Variants in FREM3 observed in about 807,000 individuals in gnomAD.
The protein encoded by FREM3 is FRAS1 related extracellular matrix 3, also known as FRAS1-related extracellular matrix protein 3.
Under a neutral mutation model 129.1 loss-of-function variants are expected in FREM3, and 105 were observed. That is an observed-to-expected ratio of 0.81 (90% confidence interval 0.69 to 0.96). The LOEUF (loss-of-function observed/expected upper bound fraction) is 0.96. Among genes scored for constraint, FREM3 ranks in the 40% least tolerant of loss-of-function variants. FREM3 has a pLI of 0.00. For missense variants in FREM3, 2,593 were observed against 2,666.3 expected, an observed-to-expected ratio of 0.97 and a Z score of 0.61; for synonymous variants, 1,014 against 1,044.9, an observed-to-expected ratio of 0.97 and a Z score of 0.57.
chr4:143,602,668 T>A (rs180812663), intron 6 of FREM3, among the ~76,000 whole-genome samples: 2 of 152,222 alleles, frequency 1.3e-5, no homozygotes, highest in Admixed American at 1.3e-4. Context: ...TTTAGGGCAC[T>A]CAGTAGAGTC....
Position 143,697,099 on chromosome 4 carries a change from G to T in FREM3, c.3577C>A (p.Gln1193Lys). 2 of 1,537,820 alleles carry T rather than the reference G, an allele frequency of 1.3e-6. No homozygotes were observed. The highest frequency in any genetic ancestry group is 1.4e-5 in the African/African-American group (1 of 73,154). ...AACTCATGGGCAAAAAGTTTAGGCT[G>T]CTCATCATTGGTGGGTAGGATGATT... ...PIIILPTNDE[Q>K]PKLFAHEFKV... is the part of the protein sequence containing the mutation. Residue 1193 changes from glutamine (Q) to lysine (K), a missense_variant, in exon 1 of 8, where the codon CAG (glutamine) becomes AAG (lysine). Physicochemically the swap from Gln to Lys is moderately conservative, Grantham distance 53 (BLOSUM62 1). Around this residue, in one of 2 missense-constraint regions of FREM3, gnomAD observed 2,276 missense variants for 2,267.2 expected, o/e 1.00. Transcript: ENST00000329798.
In FREM3 at chr4:143,635,075, T is replaced by C. The variant is rs140599353; in HGVS notation, c.5276-7315A>G. On this transcript the variant is annotated intron_variant, in intron 2 of 7. Transcript: ENST00000329798. ...GATTCTGGACTGTATGAAAACCCAA[T>C]TTATGTAAGTCAGGGACTTTGTGTA... 2.0e-4 allele frequency among the ~76,000 whole-genome samples: 30 copies of C among 152,198 alleles called. No homozygotes were observed. In the East Asian group the frequency reaches 3.5e-3, roughly 18 times the overall value.
chr4:143,680,216 CTA>C (rs34374191), intron 2 of FREM3, among the ~76,000 whole-genome samples: 9,916 of 147,950 alleles, frequency 0.067, 863 homozygotes, highest in African/African-American at 0.19. Flanking sequence ...AGACCTTCCC[CTA>C]TATATATATA....
intron 5 of FREM3, among the ~76,000 whole-genome samples, chr4:143,616,895 A>G (rs1201657509): frequency 6.6e-6 from 1 of 152,208 alleles, no homozygotes; most frequent in Non-Finnish European, 1.5e-5. Flanking sequence ...GGCGAGGTCC[A>G]TGGCTTGTGG....
At chr4:143,593,714 C>T (rs934184123) in intron 6 of FREM3, among the ~76,000 whole-genome samples, 1 of 152,234 alleles carries the variant, frequency 6.6e-6, no homozygotes, top group Non-Finnish European at 1.5e-5. Flanking sequence ...TCTGCCCGTT[C>T]TCAGATCTCA....
chr4:143,696,550 T>A lies in FREM3; in HGVS notation c.4126A>T (p.Thr1376Ser). ...AGGCCTCTGTTAATCTCATCCTGGG[T>A]AAAGTTCATTCCCAGAGTAAGATTG... Reference protein sequence around the residue: ...RNNLTLGMNFTQDEINRGLIC... With the variant: ...RNNLTLGMNFSQDEINRGLIC... The change falls in exon 1 of 8, where the codon ACC becomes TCC. Residue 1376 changes from threonine (T) to serine (S), a missense_variant. Physicochemically the swap from Thr to Ser is moderately conservative, Grantham distance 58. Around this residue, in one of 2 missense-constraint regions of FREM3, gnomAD observed 2,276 missense variants for 2,267.2 expected, o/e 1.00. Transcript: ENST00000329798. 6.5e-7 allele frequency: 1 copy of A among 1,537,438 alleles called. No individual in the cohort carries two copies. Among genetic ancestry groups the A allele is most frequent in the Non-Finnish European group, 8.7e-7 (1 of 1,146,956 alleles).
At chr4:143,633,903 A>G (rs1187212631) in intron 2 of FREM3, among the ~76,000 whole-genome samples, 3 of 152,174 alleles carry the variant, frequency 2.0e-5, no homozygotes, top group African/African-American at 7.2e-5. Context: ...GAGCTTAAGC[A>G]TTAAAACAGT....
At position 143,699,765 on chromosome 4, in the gene FREM3, G is replaced by T. The variant is rs138251026; in HGVS notation, c.911C>A (p.Pro304Gln). ...CGTGGCCATGAAGCTGGGCCTGGGC[G>T]GTGTGTTCTCGGCTCCGCCGCGGAT... ...VRIRGGAENT[P>Q]PRPSFMATMM... Residue 304 changes from proline to glutamine, a missense_variant, in exon 1 of 8, where the codon CCG becomes CAG. Coordinates refer to ENST00000329798, the MANE Select transcript of FREM3 (RefSeq NM_001168235.2). This position sits in a 1 kb window ranked among gnomAD's most constrained non-coding sequence, Gnocchi z 4.2. The T allele has an allele frequency of 6.5e-7, 1 of 1,529,856 alleles. No individual in the cohort carries two copies. Among genetic ancestry groups the T allele is most frequent in the Non-Finnish European group, 8.8e-7 (1 of 1,142,800 alleles). The allele number at this position is 1,529,856 out of a possible 1,614,324, so 94.8% of individuals were successfully genotyped here.
chr4:143,619,142 T>C (rs905160756), intron 5 of FREM3, among the ~76,000 whole-genome samples: 1 of 152,156 alleles, frequency 6.6e-6, no homozygotes, highest in African/African-American at 2.4e-5. Context: ...AGTGATCTTT[T>C]GATGTCAGAG....
chr4:143,655,676 A>T (rs899515992), intron 2 of FREM3, among the ~76,000 whole-genome samples: 4 of 152,214 alleles, frequency 2.6e-5, no homozygotes, highest in Non-Finnish European at 5.9e-5. Context: ...TTGAATTCGT[A>T]TCAAAAACCA....
chr4:143,683,855 C>T (rs146825454), intron 2 of FREM3, among the ~76,000 whole-genome samples: 135 of 152,220 alleles, frequency 8.9e-4, no homozygotes, highest in Middle Eastern at 3.4e-3. Flanking sequence ...CTTCAGTTTG[C>T]GTGGGAGCTG....
At chr4:143,644,465 A>G (rs1739379602) in intron 2 of FREM3, among the ~76,000 whole-genome samples, 1 of 152,180 alleles carries the variant, frequency 6.6e-6, no homozygotes, top group Non-Finnish European at 1.5e-5. Context: ...ATGTCTCTGG[A>G]GTCAAACCTT....
At chr4:143,692,967 T>G in intron 2 of FREM3, 146 bp downstream of exon 2, 1 of 435,548 alleles carries the variant, frequency 2.3e-6, no homozygotes, top group Non-Finnish European at 4.0e-6. Context: ...CAAAAAGAAT[T>G]AATTTGTTTG....
intron 6 of FREM3, among the ~76,000 whole-genome samples, chr4:143,597,334 C>T (rs1482828621): frequency 2.0e-5 from 3 of 152,050 alleles, no homozygotes; most frequent in African/African-American, 4.8e-5. Flanking sequence ...CAAAACACAT[C>T]GTATGAAACT....
intron 1 of FREM3, 123 bp downstream of exon 1, chr4:143,695,366 CTG>C: frequency 1.2e-6 from 1 of 813,216 alleles, no homozygotes; most frequent in Non-Finnish European, 1.8e-6. Context: ...TCACGCTTCA[CTG>C]TATTTTATTA....
intron 2 of FREM3, among the ~76,000 whole-genome samples, chr4:143,643,728 A>T (rs1402465319): frequency 6.6e-6 from 1 of 152,120 alleles, no homozygotes; most frequent in Non-Finnish European, 1.5e-5. Flanking sequence ...GGTGGGAGAA[A>T]TAAGTTCTGG....
chr4:143,695,630 C>CG lies in FREM3; in HGVS notation c.5045_5046insC (p.Ile1683AspfsTer21). The stretch of plus-strand genomic sequence containing the variant: ...CTGCCTTCAGAGACTTGCTGGTAAT[C>CG]AGGAAGCCCATGTGTCCAGTGTGAA... On this transcript the variant is annotated frameshift_variant, in exon 1 of 8. Coordinates refer to ENST00000329798, the MANE Select transcript of FREM3 (RefSeq NM_001168235.2). LOFTEE classifies it high-confidence loss of function. 1 of 1,537,290 alleles carries CG rather than the reference C, an allele frequency of 6.5e-7. No homozygotes were observed. The highest frequency in any genetic ancestry group is 8.7e-7 in the Non-Finnish European group (1 of 1,146,924).
chr4:143,594,617 G>C (rs1027213137), intron 6 of FREM3, among the ~76,000 whole-genome samples: 10 of 152,146 alleles, frequency 6.6e-5, no homozygotes, highest in African/African-American at 2.4e-4. Flanking sequence ...GTGGCATTGG[G>C]GAAGGGCAAG....
At chr4:143,591,855 T>C (rs189129194) in intron 6 of FREM3, among the ~76,000 whole-genome samples, 1 of 152,182 alleles carries the variant, frequency 6.6e-6, no homozygotes, top group Non-Finnish European at 1.5e-5. Context: ...AAGTCTCCCA[T>C]TATTATTGTG....
Sources: allele counts gnomAD v4.1 joint callset (sites outside exome capture counted in the v4.1 genomes callset), GRCh38; gene constraint gnomAD v4.1.1; regional missense constraint gnomAD v4.1.1; non-coding constraint Gnocchi (gnomAD v3.1); transcripts MANE v1.5; gene names NCBI Gene and HGNC (gene_info 2026-07-23, HGNC 2026-07-21).